Variants in LRFN5 observed in about 807,000 individuals in gnomAD.
LRFN5 encodes the protein leucine rich repeat and fibronectin type III domain containing 5.
LRFN5 carries 24 observed loss-of-function variants against 45.6 expected under a neutral mutation model. The ratio of observed to expected loss-of-function variants is 0.53; its 90% CI spans 0.38 to 0.74. The LOEUF (loss-of-function observed/expected upper bound fraction) is 0.74, where lower values mean the gene tolerates loss of function less well. LRFN5 is among the 30% of genes least tolerant of loss of function. The probability of loss-of-function intolerance (pLI) is 0.00; values close to 1 mark genes in which losing one functional copy is unlikely to be tolerated. For missense variants in LRFN5, 776 were observed against 861.5 expected (o/e 0.90, Z 1.24); for synonymous variants, 340 against 313.8 (o/e 1.08, Z -0.88).
chr14:41,638,035 T>C (rs1000425312), intron 1 of LRFN5, among the ~76,000 whole-genome samples: 2 of 152,140 alleles, frequency 1.3e-5, no homozygotes, highest in African/African-American at 4.8e-5. Flanking sequence ...CTCTTGGTTA[T>C]CACCTTTTGT....
chr14:41,689,678 A>G, intron 1 of LRFN5, among the ~76,000 whole-genome samples: 1 of 151,550 alleles, frequency 6.6e-6, no homozygotes, highest in South Asian at 2.1e-4. Context: ...GCGGATCACG[A>G]GGTCAGGAGA....
At chr14:41,828,771 T>C (rs1271401736) in intron 2 of LRFN5, among the ~76,000 whole-genome samples, 1 of 151,992 alleles carries the variant, frequency 6.6e-6, no homozygotes, top group Non-Finnish European at 1.5e-5. Context: ...GTAATAATGT[T>C]ATAACTTTCT....
At chr14:41,728,505 A>G (rs2138787231) in intron 1 of LRFN5, among the ~76,000 whole-genome samples, 1 of 152,268 alleles carries the variant, frequency 6.6e-6, no homozygotes, top group East Asian at 1.9e-4. Context: ...AATTGAAACC[A>G]TCTCCTATCT....
intron 2 of LRFN5, among the ~76,000 whole-genome samples, chr14:41,824,420 T>G (rs945879959): frequency 1.3e-5 from 2 of 152,168 alleles, no homozygotes; most frequent in Admixed American, 1.3e-4. Flanking sequence ...CATTATGAGT[T>G]CCTTGGTTGT....
intron 2 of LRFN5, among the ~76,000 whole-genome samples, chr14:41,838,942 T>C (rs1888760823): frequency 6.6e-6 from 1 of 152,136 alleles, no homozygotes; most frequent in African/African-American, 2.4e-5. Flanking sequence ...TTGCAGCCTC[T>C]ATTTTTTTCT....
intron 1 of LRFN5, among the ~76,000 whole-genome samples, chr14:41,612,238 C>T (rs1448396682): frequency 6.6e-6 from 1 of 152,102 alleles, no homozygotes; most frequent in Admixed American, 6.5e-5. Context: ...CATGAAACTA[C>T]TGCATAATAT....
At chr14:41,643,451 C>T (rs1182260226) in intron 1 of LRFN5, among the ~76,000 whole-genome samples, 2 of 152,010 alleles carry the variant, frequency 1.3e-5, no homozygotes, top group Non-Finnish European at 2.9e-5. Context: ...AATAAATCCC[C>T]TTTCCCCCCA....
chr14:41,820,329 A>G (rs893270824), intron 2 of LRFN5, among the ~76,000 whole-genome samples: 1 of 152,074 alleles, frequency 6.6e-6, no homozygotes, highest in African/African-American at 2.4e-5. Flanking sequence ...ATTCTTCTGC[A>G]TGTGGCTATC....
intron 1 of LRFN5, among the ~76,000 whole-genome samples, chr14:41,694,771 T>A (rs561920599): frequency 1.3e-5 from 2 of 152,072 alleles, no homozygotes; most frequent in South Asian, 4.1e-4. Context: ...GTTATGGGGA[T>A]CTGTGGTCAA....
At chr14:41,718,729 C>A (rs17181601) in intron 1 of LRFN5, among the ~76,000 whole-genome samples, 1 of 152,076 alleles carries the variant, frequency 6.6e-6, no homozygotes, top group Non-Finnish European at 1.5e-5. Context: ...GATTCATCTA[C>A]GCTAAATCTA....
intron 1 of LRFN5, among the ~76,000 whole-genome samples, chr14:41,673,956 C>A (rs1416257357): frequency 6.8e-6 from 1 of 146,074 alleles, no homozygotes; most frequent in South Asian, 2.2e-4. Context: ...CTGACACCCC[C>A]ACCTCCCTCC....
At chr14:41,628,593 G>T (rs1012388534) in intron 1 of LRFN5, among the ~76,000 whole-genome samples, 2 of 149,412 alleles carry the variant, frequency 1.3e-5, no homozygotes, top group African/African-American at 2.5e-5. Context: ...AATAGAATAA[G>T]ACCCTGTCTA....
chr14:41,745,236 G>A (rs902939734), intron 1 of LRFN5, among the ~76,000 whole-genome samples: 2 of 151,932 alleles, frequency 1.3e-5, no homozygotes, highest in Admixed American at 6.6e-5. Flanking sequence ...TGAAAATACC[G>A]CAAATTTGTC....
In LRFN5 at chr14:41,887,274, C is replaced by G; in HGVS notation, c.649C>G (p.Gln217Glu). The G allele has an allele frequency of 6.2e-7, 1 of 1,614,200 alleles. No individual in the cohort carries two copies. The highest frequency in any genetic ancestry group is 8.5e-7 in the Non-Finnish European group (1 of 1,180,038). The change falls in exon 3 of 6, where the codon CAG (glutamine) becomes GAG (glutamate). Residue 217 changes from glutamine to glutamate, a missense_variant. This residue lies in a region of LRFN5 where 311 missense variants were observed against 405.1 expected (regional missense o/e 0.77). Transcript: ENST00000298119. The surrounding 1 kb of genome is among the most constrained non-coding windows in gnomAD (Gnocchi z 4.8). ...LQKLPPDPLF[Q>E]RAQVLATSGI... ...GAAGCTACCACCTGACCCTCTCTTT[C>G]AGCGAGCTCAGGTACTAGCAACCTC...
chr14:41,720,645 A>G (rs138112122), intron 1 of LRFN5, among the ~76,000 whole-genome samples: 6 of 152,214 alleles, frequency 3.9e-5, no homozygotes, highest in Non-Finnish European at 8.8e-5. Context: ...TTTACTCAGA[A>G]GTTATTCAGG....
intron 1 of LRFN5, among the ~76,000 whole-genome samples, chr14:41,736,748 T>C (rs1209192211): frequency 6.6e-6 from 1 of 152,134 alleles, no homozygotes; most frequent in Non-Finnish European, 1.5e-5. Flanking sequence ...CTAGAAAATC[T>C]AGAGGAAATG....
chr14:41,817,363 T>C (rs553247805), intron 2 of LRFN5, among the ~76,000 whole-genome samples: 1 of 152,110 alleles, frequency 6.6e-6, no homozygotes, highest in Non-Finnish European at 1.5e-5. Flanking sequence ...CTGGACATGA[T>C]GTGCTAGGTA....
intron 2 of LRFN5, among the ~76,000 whole-genome samples, chr14:41,866,546 T>C (rs1889846671): frequency 6.6e-6 from 1 of 152,094 alleles, no homozygotes; most frequent in South Asian, 2.1e-4. Context: ...AATGTGCAAA[T>C]AAACTATGTA....
chr14:41,712,455 G>A (rs1044113731), intron 1 of LRFN5, among the ~76,000 whole-genome samples: 1 of 152,064 alleles, frequency 6.6e-6, no homozygotes. Context: ...TTTTGCGTTA[G>A]TTTTGTATCT....
Sources: allele counts gnomAD v4.1 joint callset (sites outside exome capture counted in the v4.1 genomes callset), GRCh38; gene constraint gnomAD v4.1.1; regional missense constraint gnomAD v4.1.1; non-coding constraint Gnocchi (gnomAD v3.1); transcripts MANE v1.5; gene names NCBI Gene and HGNC (gene_info 2026-07-23, HGNC 2026-07-21).